Variants in CALHM3 observed in about 807,000 individuals in gnomAD.
The protein encoded by CALHM3 is calcium homeostasis modulator 3.
A neutral mutation model predicts 13.6 loss-of-function variants in CALHM3; 9 were observed. The observed-to-expected ratio is 0.66, with a 90% confidence interval of 0.40 to 1.15. The LOEUF (loss-of-function observed/expected upper bound fraction) is 1.15. Among genes scored for constraint, CALHM3 ranks in the 50% most tolerant of loss-of-function variants. CALHM3 has a pLI of 0.01. For synonymous variants in CALHM3, 231 were observed against 213.2 expected (o/e 1.08, Z -0.73); for missense variants, 497 against 463.4 (o/e 1.07, Z -0.67).
chr10:103,478,723 C>A, intron 1 of CALHM3, 23 bp downstream of exon 1: 2 of 1,493,422 alleles, frequency 1.3e-6, no homozygotes, highest in South Asian at 2.7e-5. Context: ...GCTCATGGGT[C>A]ACTGAGTGGT....
At chr10:103,474,295 A>T (rs571788611) in intron 2 of CALHM3, among the ~76,000 whole-genome samples, 1 of 151,944 alleles carries the variant, frequency 6.6e-6, no homozygotes, top group Non-Finnish European at 1.5e-5. Flanking sequence ...TCATCTTCCC[A>T]TCCAGTCAAG....
chr10:103,473,240 C>A lies in CALHM3; in HGVS notation c.1008G>T (p.Thr336=). The A allele has an allele frequency of 2.1e-6, 3 of 1,441,178 alleles. No individual in the cohort carries two copies. The highest frequency in any genetic ancestry group is 2.7e-6 in the Non-Finnish European group (3 of 1,094,280). The allele number at this position is 1,441,178 out of a possible 1,614,324, so 89.3% of individuals were successfully genotyped here. A position where few individuals can be genotyped will look rare whatever the true frequency, so the allele number is the denominator to read the frequency against. The change falls in exon 3 of 3, where the codon ACG becomes ACT. Residue 336 remains threonine (T), a synonymous_variant. Coordinates refer to ENST00000369783, the MANE Select transcript of CALHM3 (RefSeq NM_001129742.2). ...SHRAPTLALG[T]RLSQHTDV ...ACACGTCGGTGTGTTGTGACAGCCT[C>A]GTGCCCAGTGCCAAGGTAGGGGCGC...
chr10:103,479,016 A>G lies in CALHM3; in HGVS notation c.17T>C (p.Met6Thr), dbSNP rs1033397538. The G allele has an allele frequency of 2.6e-6, 4 of 1,550,628 alleles. No individual in the cohort carries two copies. The highest frequency in any genetic ancestry group is 3.5e-6 in the Non-Finnish European group (4 of 1,146,498). ...GCTTGACTGGAAGTGCTGGAAGAGC[A>G]TGCGGAATTTATCCATGGCTCCAGC... MDKFR[M>T]LFQHFQSSSE... The change falls in exon 1 of 3, where the codon ATG becomes ACG. Residue 6 changes from methionine to threonine, a missense_variant. By Grantham distance (81) the Met-to-Thr change is moderately conservative (BLOSUM62 -1). Coordinates refer to ENST00000369783, the MANE Select transcript of CALHM3 (RefSeq NM_001129742.2).
intron 1 of CALHM3, among the ~76,000 whole-genome samples, chr10:103,477,438 G>A (rs1288878113): frequency 6.6e-6 from 1 of 152,224 alleles, no homozygotes; most frequent in Non-Finnish European, 1.5e-5. Flanking sequence ...GGCTGAGGGT[G>A]CACCGGATGC....
rs2033388673 is a variant in CALHM3, at chr10:103,476,375, C to T, written c.462G>A (p.Lys154=). The part of the protein sequence containing the change: ...TPSQVQLFLA[K]VPCKEDELVR... ...CCAGCTCATCCTCCTTGCAGGGAAC[C>T]TTGGCCAGGAAGAGCTGTACCTGGC... The change falls in exon 2 of 3, where the codon AAG becomes AAA. Residue 154 remains lysine, a synonymous_variant. Coordinates refer to ENST00000369783, the MANE Select transcript of CALHM3 (RefSeq NM_001129742.2). The T allele has an allele frequency of 6.4e-7, 1 of 1,551,758 alleles. No homozygotes were observed. Among genetic ancestry groups the T allele is most frequent in the Non-Finnish European group, 8.7e-7 (1 of 1,147,002 alleles).
At chr10:103,474,951 T>C (rs2033372734) in intron 2 of CALHM3, among the ~76,000 whole-genome samples, 1 of 152,144 alleles carries the variant, frequency 6.6e-6, no homozygotes, top group Non-Finnish European at 1.5e-5. Context: ...GTACTTGTCA[T>C]AGAGAGGGAG....
rs919841470 is a variant in CALHM3, at chr10:103,473,505, G to A, written c.743C>T (p.Ala248Val). ...FAHRCVLHFF[A>V]SMRSELQARG... Reference sequence around the variant, plus strand: ...CGCCTGCAGCTCACTCCGCATGCTGGCAAAGAAGTGCAGCACGCAGCGGTG... The same window carrying A: ...CGCCTGCAGCTCACTCCGCATGCTGACAAAGAAGTGCAGCACGCAGCGGTG... The change falls in exon 3 of 3, where the codon GCC becomes GTC. Residue 248 changes from alanine (A) to valine (V), a missense_variant. Coordinates refer to ENST00000369783, the MANE Select transcript of CALHM3 (RefSeq NM_001129742.2). The A allele has an allele frequency of 4.1e-5, 64 of 1,550,828 alleles. No homozygotes were observed. The highest frequency in any genetic ancestry group is 6.8e-5 in the African/African-American group (5 of 73,064).
chr10:103,479,125 G>C lies in CALHM3; in HGVS notation c.-93C>G, dbSNP rs954150700. 1.8e-5 allele frequency: 24 copies of C among 1,354,210 alleles called. No individual in the cohort carries two copies. Among genetic ancestry groups the C allele is most frequent in the Non-Finnish European group, 2.4e-5 (24 of 1,004,018 alleles). 83.9% of individuals were successfully genotyped at this position (1,354,210 alleles called of 1,614,324 possible). ...TCTGCTGTGCTGGGGACGAGCCTGG[G>C]ATCTGCAAGAGGTTCTCTCTCTGCT... On this transcript the variant is annotated 5_prime_UTR_variant, in exon 1 of 3. The change creates a new upstream start codon in the 5' untranslated region. Transcript: ENST00000369783.
chr10:103,478,239 G>A (rs937648379), intron 1 of CALHM3, among the ~76,000 whole-genome samples: 5 of 152,140 alleles, frequency 3.3e-5, no homozygotes, highest in African/African-American at 9.7e-5. Flanking sequence ...CTATTTCTGC[G>A]TGGCTATCCA....
intron 1 of CALHM3, 133 bp downstream of exon 1, chr10:103,478,613 A>G (rs960910376): frequency 9.6e-6 from 9 of 934,398 alleles, no homozygotes; most frequent in Middle Eastern, 6.9e-4. Flanking sequence ...ACCTGGCAGT[A>G]CCTGTAGGGT....
At chr10:103,475,325 G>C (rs1355388869) in intron 2 of CALHM3, among the ~76,000 whole-genome samples, 1 of 152,184 alleles carries the variant, frequency 6.6e-6, no homozygotes, top group Non-Finnish European at 1.5e-5. Context: ...CCAGATTTAA[G>C]GTGAGTATTT....
At position 103,473,456 on chromosome 10, in the gene CALHM3, T is replaced by A; in HGVS notation, c.792A>T (p.Ala264=). 1 of 1,526,690 alleles carries A rather than the reference T, an allele frequency of 6.6e-7. No homozygotes were observed. The highest frequency in any genetic ancestry group is 8.8e-7 in the Non-Finnish European group (1 of 1,140,690). The allele number at this position is 1,526,690 out of a possible 1,614,324, so 94.6% of individuals were successfully genotyped here. A position where few individuals can be genotyped will look rare whatever the true frequency, so the allele number is the denominator to read the frequency against. The change falls in exon 3 of 3, where the codon GCA becomes GCT. Residue 264 remains alanine, a synonymous_variant. Coordinates refer to ENST00000369783, the MANE Select transcript of CALHM3 (RefSeq NM_001129742.2). The stretch of plus-strand genomic sequence containing the variant: ...CTGCGGGGAGCTCGAGTCTCCTGCC[T>A]GCATTGCCCCGGCGCAGCCCCCGCG... ...LQARGLRRGN[A]GRRLELPAVP...
In CALHM3 at chr10:103,473,197, A is replaced by G; in HGVS notation, c.*16T>C. ...TTTCACCTGCGAACACTGCCGCTTC[A>G]AGCCTGGCCAGGACCCTACACGTCG... is the stretch of plus-strand genomic sequence containing the variant. On this transcript the variant is annotated 3_prime_UTR_variant, in exon 3 of 3. Coordinates refer to ENST00000369783, the MANE Select transcript of CALHM3 (RefSeq NM_001129742.2). 3.7e-6 allele frequency: 5 copies of G among 1,341,750 alleles called. No homozygotes were observed. The highest frequency in any genetic ancestry group is 3.8e-6 in the Non-Finnish European group (4 of 1,042,680). The allele number at this position is 1,341,750 out of a possible 1,614,324, so 83.1% of individuals were successfully genotyped here.
At chr10:103,477,095 C>T (rs938803864) in intron 1 of CALHM3, among the ~76,000 whole-genome samples, 4 of 152,182 alleles carry the variant, frequency 2.6e-5, no homozygotes, top group Non-Finnish European at 5.9e-5. Flanking sequence ...CCCAGTTGCC[C>T]ACTCATTATC....
chr10:103,476,494 G>A lies in CALHM3; in HGVS notation c.343C>T (p.Leu115=). The change falls in exon 2 of 3, where the codon CTG becomes TTG. Residue 115 remains leucine (L), a synonymous_variant. Transcript: ENST00000369783. ...CACTTCCCGTCAAGGAGGGCCAGCA[G>A]GATCCAGACCAGGGGGGCGGCCAGC... ...RALAAPLVWI[L]LALLDGKCFV... is the part of the protein sequence containing the mutation. 3 of 1,551,678 alleles carry A rather than the reference G, an allele frequency of 1.9e-6. No individual in the cohort carries two copies. The highest frequency in any genetic ancestry group is 2.6e-6 in the Non-Finnish European group (3 of 1,147,004).
intron 1 of CALHM3, among the ~76,000 whole-genome samples, chr10:103,478,388 T>C (rs2033414479): frequency 6.6e-6 from 1 of 152,222 alleles, no homozygotes; most frequent in Non-Finnish European, 1.5e-5. Context: ...CTTTTGTCAG[T>C]TGATTTTCAG....
intron 1 of CALHM3, 51 bp from the exon 2 acceptor site, chr10:103,476,600 A>C: frequency 6.5e-7 from 1 of 1,543,760 alleles, no homozygotes; most frequent in Non-Finnish European, 8.7e-7. Context: ...AGTCAGCTGC[A>C]GCAGGGGAGG....
intron 1 of CALHM3, among the ~76,000 whole-genome samples, chr10:103,478,118 G>A (rs142395368): frequency 0.012 from 1,882 of 152,246 alleles, 28 homozygotes; most frequent in Middle Eastern, 0.024. Flanking sequence ...GTCCTGCCCC[G>A]TGTCTGGGAG....
chr10:103,477,470 T>A (rs1015955555), intron 1 of CALHM3, among the ~76,000 whole-genome samples: 1 of 152,330 alleles, frequency 6.6e-6, no homozygotes, highest in African/African-American at 2.4e-5. Flanking sequence ...CTGAATTGGA[T>A]TGTACACAAA....
Sources: allele counts gnomAD v4.1 joint callset (sites outside exome capture counted in the v4.1 genomes callset), GRCh38; gene constraint gnomAD v4.1.1; transcripts MANE v1.5; gene names NCBI Gene and HGNC (gene_info 2026-07-23, HGNC 2026-07-21).